NECAB1: variants seen among roughly 807,000 people sequenced by gnomAD.
NECAB1 encodes N-terminal EF-hand calcium-binding protein 1.
NECAB1 carries 29 observed loss-of-function variants against 57.5 expected under a neutral mutation model. That is an observed-to-expected ratio of 0.50 (90% CI 0.38 to 0.69). The LOEUF (loss-of-function observed/expected upper bound fraction) is 0.69, where lower values mean the gene tolerates loss of function less well. NECAB1 is among the 30% of genes least tolerant of loss of function. The probability of loss-of-function intolerance (pLI) is 0.00; values close to 1 mark genes in which losing one functional copy is unlikely to be tolerated. For synonymous variants in NECAB1, 142 were observed against 147.7 expected (o/e 0.96, Z 0.28); for missense variants, 372 against 413.8 (o/e 0.90, Z 0.88).
intron 4 of NECAB1, among the ~76,000 whole-genome samples, chr8:90,874,934 C>A (rs1184018871): frequency 7.1e-6 from 1 of 140,482 alleles, no homozygotes; most frequent in African/African-American, 2.9e-5. Flanking sequence ...ATTGTGAAGG[C>A]CTTCCTAAAT....
In NECAB1 at chr8:90,869,353, A is replaced by G. The variant is rs755819861; in HGVS notation, c.234-2775A>G. Among the ~76,000 whole-genome samples, 17 of 152,208 alleles carry G rather than the reference A, an allele frequency of 1.1e-4. 1 individual carries two copies. The highest frequency in any genetic ancestry group is 7.2e-4 in the Admixed American group (11 of 15,286). The stretch of plus-strand genomic sequence containing the variant: ...CTAGAGTTGTGAGAAGAGGGCCATC[A>G]TCGTCCAGACCCCAGAATGGTAAAT... On this transcript the variant is annotated intron_variant, in intron 3 of 12. Coordinates refer to ENST00000417640, the MANE Select transcript of NECAB1 (RefSeq NM_022351.5).
At chr8:90,929,356 TTTCTC>T (rs757489680) in intron 8 of NECAB1, among the ~76,000 whole-genome samples, 5 of 152,164 alleles carry the variant, frequency 3.3e-5, no homozygotes, top group Non-Finnish European at 7.4e-5. Flanking sequence ...ATAGAAATCA[TTTCTC>T]TAATAAAAAA....
intron 5 of NECAB1, among the ~76,000 whole-genome samples, chr8:90,895,019 G>A (rs997052059): frequency 6.6e-6 from 1 of 152,186 alleles, no homozygotes; most frequent in African/African-American, 2.4e-5. Flanking sequence ...TCAGTCTGGT[G>A]AATGCATAGA....
rs925013761 is a variant in NECAB1, at chr8:90,882,920, G to A, written c.357+1790G>A. 3.3e-5 allele frequency among the ~76,000 whole-genome samples: 5 copies of A among 152,044 alleles called. No individual in the cohort carries two copies. In the South Asian group the frequency reaches 8.3e-4, roughly 25 times the overall value. On this transcript the variant is annotated intron_variant, in intron 5 of 12. Transcript: ENST00000417640. ...GATTAAATTAATTGATTGGTTAAAT[G>A]AACACACATATAGCTCCAAAAGCTA...
At chr8:90,953,024 T>C (rs1810951869) in intron 12 of NECAB1, among the ~76,000 whole-genome samples, 1 of 152,178 alleles carries the variant, frequency 6.6e-6, no homozygotes, top group Non-Finnish European at 1.5e-5. Context: ...ATAAATATAT[T>C]GGTCTTCGGT....
intron 5 of NECAB1, among the ~76,000 whole-genome samples, chr8:90,884,335 T>C (rs1476394178): frequency 6.6e-6 from 1 of 152,178 alleles, no homozygotes; most frequent in Non-Finnish European, 1.5e-5. Context: ...CCTCTATCTC[T>C]AGTTTTTTTA....
At chr8:90,924,214 C>G (rs1810202661) in intron 6 of NECAB1, among the ~76,000 whole-genome samples, 1 of 152,150 alleles carries the variant, frequency 6.6e-6, no homozygotes, top group Non-Finnish European at 1.5e-5. Flanking sequence ...AATTGGCAAT[C>G]TAGAAATCTG....
At chr8:90,841,868 C>T (rs765774745) in intron 3 of NECAB1, among the ~76,000 whole-genome samples, 13 of 152,192 alleles carry the variant, frequency 8.5e-5, no homozygotes, top group African/African-American at 2.4e-4. Context: ...GAGGCTTTAA[C>T]AGTCAGGAGC....
At chr8:90,891,374 C>T (rs913729035) in intron 5 of NECAB1, among the ~76,000 whole-genome samples, 1 of 152,076 alleles carries the variant, frequency 6.6e-6, no homozygotes, top group Non-Finnish European at 1.5e-5. Context: ...AATGTTTAGT[C>T]ATAATATTGA....
rs148335563 is a variant in NECAB1, at chr8:90,870,070, ACTCT to A, written c.234-2049_234-2046del. Reference sequence around the variant, plus strand: ...GAAAGTGTGTAGCACTTCCCTCTTCACTCTCTCTCTCTTCCTCCTGCTCCCACCA... The same window carrying A: ...GAAAGTGTGTAGCACTTCCCTCTTCACTCTCTCTTCCTCCTGCTCCCACCA... On this transcript the variant is annotated intron_variant, in intron 3 of 12. Transcript: ENST00000417640. 4.4e-3 allele frequency among the ~76,000 whole-genome samples: 662 copies of A among 150,348 alleles called. 6 individuals are homozygous for A. The highest frequency in any genetic ancestry group is 0.015 in the African/African-American group (626 of 40,904).
intron 3 of NECAB1, among the ~76,000 whole-genome samples, chr8:90,846,992 T>G (rs1490136084): frequency 6.6e-6 from 1 of 152,160 alleles, no homozygotes; most frequent in Non-Finnish European, 1.5e-5. Context: ...TTCCCACATT[T>G]TAAAACACAA....
intron 3 of NECAB1, among the ~76,000 whole-genome samples, chr8:90,835,164 C>G (rs565109450): frequency 6.6e-6 from 1 of 152,236 alleles, no homozygotes; most frequent in African/African-American, 2.4e-5. Context: ...TCCACGAAGG[C>G]AGAGGCCATA....
intron 4 of NECAB1, among the ~76,000 whole-genome samples, chr8:90,874,039 A>T (rs1454677555): frequency 2.0e-5 from 3 of 152,194 alleles, no homozygotes; most frequent in African/African-American, 7.2e-5. Flanking sequence ...GTCATGTGTT[A>T]TAATCCTCCC....
chr8:90,831,665 GTCC>G (rs1301288174), intron 3 of NECAB1, among the ~76,000 whole-genome samples: 2 of 152,012 alleles, frequency 1.3e-5, no homozygotes, highest in Non-Finnish European at 2.9e-5. Context: ...ATTCCCAGGA[GTCC>G]TGCTTTCCCA....
intron 3 of NECAB1, among the ~76,000 whole-genome samples, chr8:90,855,359 G>T (rs1812774880): frequency 6.6e-6 from 1 of 152,164 alleles, no homozygotes; most frequent in South Asian, 2.1e-4. Context: ...GTCCCTAAAA[G>T]GGTCCATGTA....
Position 90,791,962 on chromosome 8 carries a change from A to G in NECAB1, c.76A>G (p.Lys26Glu). The G allele has an allele frequency of 6.4e-7, 1 of 1,552,642 alleles. No homozygotes were observed. Among genetic ancestry groups the G allele is most frequent in the Non-Finnish European group, 8.7e-7 (1 of 1,147,506 alleles). The change falls in exon 1 of 13, where the codon AAG (lysine) becomes GAG (glutamate). Residue 26 changes from lysine (K) to glutamate (E), a missense_variant. Coordinates refer to ENST00000417640, the MANE Select transcript of NECAB1 (RefSeq NM_022351.5). ...EELSSALHLS[K>E]GMSIFLDILR... is the part of the protein sequence containing the mutation. Reference sequence around the variant, plus strand: ...GCTCAGCTCTGCTCTGCACCTGTCCAAGGGCATGTCGATCTTCCTCGACGT... The same window carrying G: ...GCTCAGCTCTGCTCTGCACCTGTCCGAGGGCATGTCGATCTTCCTCGACGT...
intron 6 of NECAB1, among the ~76,000 whole-genome samples, chr8:90,923,711 T>C (rs1201092756): frequency 6.6e-6 from 1 of 152,204 alleles, no homozygotes; most frequent in East Asian, 1.9e-4. Context: ...AGATATTGCA[T>C]TTATGAATTA....
chr8:90,947,303 T>TACACACACAC lies in NECAB1; in HGVS notation c.861-2464_861-2455dup, dbSNP rs71771328. 9.7e-4 allele frequency among the ~76,000 whole-genome samples: 76 copies of TACACACACAC among 78,296 alleles called. 5 individuals carry two copies. The highest frequency in any genetic ancestry group is 1.6e-3 in the Non-Finnish European group (64 of 41,244). 51.4% of individuals were successfully genotyped at this position (78,296 alleles called of 152,430 possible). On this transcript the variant is annotated intron_variant, in intron 10 of 12. Coordinates refer to ENST00000417640, the MANE Select transcript of NECAB1 (RefSeq NM_022351.5). ...TTTTAGCTATTGGGCTAACAACACA[T>TACACACACAC]ACACACACACACACACACACACACA...
At chr8:90,923,710 A>G (rs1245120662) in intron 6 of NECAB1, among the ~76,000 whole-genome samples, 2 of 152,262 alleles carry the variant, frequency 1.3e-5, no homozygotes, top group African/African-American at 2.4e-5. Context: ...AAGATATTGC[A>G]TTTATGAATT....
Sources: gnomAD v4.1 joint callset for allele counts (sites outside exome capture counted in the v4.1 genomes callset) on GRCh38, gnomAD v4.1.1 for gene constraint, MANE v1.5 for transcripts, NCBI Gene and HGNC (gene_info 2026-07-23, HGNC 2026-07-21) for gene names.